The following ABCE1 variants were observed in gnomAD, a reference collection of about 807,000 sequenced individuals.
The protein encoded by ABCE1 is ATP-binding cassette sub-family E member 1.
A neutral mutation model predicts 83.4 loss-of-function variants in ABCE1; 22 were observed. The observed-to-expected ratio is 0.26, with a 90% CI of 0.19 to 0.38. The LOEUF (loss-of-function observed/expected upper bound fraction) is 0.38. Ranked by LOEUF, ABCE1 falls within the 10% of genes least tolerant of loss-of-function variation. The probability of loss-of-function intolerance (pLI) is 1.00; values close to 1 mark genes in which losing one functional copy is unlikely to be tolerated. For missense variants in ABCE1, 330 were observed against 721.9 expected, an observed-to-expected ratio of 0.46 and a Z score of 6.22; for synonymous variants, 204 against 233.7, an observed-to-expected ratio of 0.87 and a Z score of 1.16.
chr4:145,100,758 T>C (rs1357048698), intron 1 of ABCE1, among the ~76,000 whole-genome samples: 1 of 152,230 alleles, frequency 6.6e-6, no homozygotes, highest in East Asian at 1.9e-4. Flanking sequence ...ATTTTTTTTT[T>C]CAGTATGTAG....
At chr4:145,118,692 C>G (rs534083696) in intron 10 of ABCE1, among the ~76,000 whole-genome samples, 2 of 151,710 alleles carry the variant, frequency 1.3e-5, no homozygotes, top group East Asian at 3.9e-4. Context: ...TAAATGGTAC[C>G]CAGTAAGGTT....
At chr4:145,120,279 C>T (rs1371657650) in intron 11 of ABCE1, 126 bp downstream of exon 11, 8 of 781,122 alleles carry the variant, frequency 1.0e-5, no homozygotes, top group Non-Finnish European at 1.6e-5. Context: ...TTTAAACCCA[C>T]AAATTTCTTA....
chr4:145,118,889 G>GT (rs772090722), intron 10 of ABCE1, among the ~76,000 whole-genome samples: 22 of 151,516 alleles, frequency 1.5e-4, no homozygotes, highest in South Asian at 8.3e-4. Context: ...GACTTGCTGT[G>GT]TTTTTTTTAA....
chr4:145,108,481 G>T (rs755182017), intron 4 of ABCE1, among the ~76,000 whole-genome samples: 28 of 152,210 alleles, frequency 1.8e-4, no homozygotes, highest in East Asian at 7.7e-4. Context: ...ACTTGCCTTT[G>T]ATTTTGTTTA....
Position 145,124,590 on chromosome 4 carries a change from T to C in ABCE1, c.1641-400T>C, listed in dbSNP as rs1049990820. On this transcript the variant is annotated intron_variant, in intron 16 of 17. Transcript: ENST00000296577. ...ACTGAAAACCACTATTAGGAGGACA[T>C]ATTCCCTCCAGTAACAAATTTTTCA... 5.9e-5 allele frequency among the ~76,000 whole-genome samples: 9 copies of C among 152,296 alleles called. No homozygotes were observed. The East Asian group carries it at 1.7e-3, about 29-fold the overall frequency.
chr4:145,110,728 C>G, intron 7 of ABCE1: 1 of 548,074 alleles, frequency 1.8e-6, no homozygotes, highest in Non-Finnish European at 3.2e-6. Context: ...TCCCAAAGTG[C>G]TAGGATTACA....
At chr4:145,114,054 A>G (rs1749550127) in intron 9 of ABCE1, among the ~76,000 whole-genome samples, 1 of 152,176 alleles carries the variant, frequency 6.6e-6, no homozygotes, top group Admixed American at 6.5e-5. Context: ...CAAGGAGCAC[A>G]AGTTCTACAG....
intron 13 of ABCE1, 37 bp downstream of exon 13, chr4:145,121,428 T>C (rs1423254001): frequency 5.4e-6 from 8 of 1,478,818 alleles, no homozygotes; most frequent in Non-Finnish European, 6.6e-6. Flanking sequence ...CTAAAGAAAA[T>C]TTTGTATATA....
Position 145,128,672 on chromosome 4 carries a change from TA to T in ABCE1, c.*1101del, listed in dbSNP as rs1370952186. On this transcript the variant is annotated 3_prime_UTR_variant, in exon 18 of 18. Transcript: ENST00000296577. The stretch of plus-strand genomic sequence containing the variant: ...GATTACCTGGAGCCTGGAGCCACTT[TA>T]AGTTGTACTTCTGACTAAACTGGAA... The T allele has an allele frequency of 6.6e-6, 1 of 152,218 alleles. No homozygotes were observed. Among genetic ancestry groups the T allele is most frequent in the Non-Finnish European group, 1.5e-5 (1 of 68,038 alleles). 9.4% of individuals were successfully genotyped at this position (152,218 alleles called of 1,614,324 possible). A position where few individuals can be genotyped will look rare whatever the true frequency, so the allele number is the denominator to read the frequency against.
At chr4:145,123,928 T>C (rs1749808344) in intron 16 of ABCE1, 1 of 172,776 alleles carries the variant, frequency 5.8e-6, no homozygotes, top group Non-Finnish European at 1.3e-5. Flanking sequence ...CTTTCATACA[T>C]GATAGAAAAA....
intron 13 of ABCE1, 89 bp downstream of exon 13, chr4:145,121,480 C>A: frequency 2.1e-6 from 2 of 962,198 alleles, no homozygotes; most frequent in Non-Finnish European, 3.2e-6. Context: ...AATTTTTCTC[C>A]AAATTAGATT....
At chr4:145,112,119 G>T in intron 8 of ABCE1, 120 bp from the exon 9 acceptor site, 1 of 642,974 alleles carries the variant, frequency 1.6e-6, no homozygotes, top group Non-Finnish European at 2.6e-6. Context: ...CATTACTATT[G>T]GAGATTTGTG....
intron 10 of ABCE1, among the ~76,000 whole-genome samples, chr4:145,119,165 G>A (rs915185967): frequency 2.0e-5 from 3 of 151,880 alleles, no homozygotes; most frequent in Admixed American, 6.6e-5. Context: ...TGCATGATGT[G>A]TCTCTCAGTT....
intron 1 of ABCE1, among the ~76,000 whole-genome samples, chr4:145,099,748 T>C (rs1222967898): frequency 6.6e-6 from 1 of 152,244 alleles, no homozygotes; most frequent in Non-Finnish European, 1.5e-5. Context: ...ATACTAAACA[T>C]CATTAGTTAA....
At chr4:145,123,405 C>T in intron 15 of ABCE1, 48 bp downstream of exon 15, 4 of 1,591,622 alleles carry the variant, frequency 2.5e-6, no homozygotes, top group East Asian at 2.3e-5. Context: ...TACTGTCCTA[C>T]AAGTGTGCTT....
chr4:145,099,096 T>C (rs1400327173), intron 1 of ABCE1, among the ~76,000 whole-genome samples: 1 of 152,234 alleles, frequency 6.6e-6, no homozygotes. Context: ...TTTTTCCTTT[T>C]ATTGTATCTA....
chr4:145,103,549 G>A (rs780614445), intron 1 of ABCE1, among the ~76,000 whole-genome samples: 4 of 152,124 alleles, frequency 2.6e-5, no homozygotes, highest in Non-Finnish European at 5.9e-5. Flanking sequence ...TATACATATA[G>A]TTATTTGGTC....
intron 17 of ABCE1, among the ~76,000 whole-genome samples, chr4:145,125,857 C>T (rs35471763): frequency 0.014 from 2,204 of 152,158 alleles, 53 homozygotes; most frequent in African/African-American, 0.05. Context: ...TCCTGTCTAA[C>T]GGTGAAAACC....
Position 145,124,986 on chromosome 4 carries a change from T to TTC in ABCE1, c.1641-3_1641-2insCT. On this transcript the variant is annotated splice_polypyrimidine_tract_variant and splice_region_variant and intron_variant, in intron 16 of 17. Transcript: ENST00000296577. ...ATCAAAATTGATTTTTTTTTTTCTC[T>TTC]TAGTCCTCAAACCCTTTTGGCTGGC... 1 of 1,583,476 alleles carries TTC rather than the reference T, an allele frequency of 6.3e-7. No individual in the cohort carries two copies. The highest frequency in any genetic ancestry group is 1.7e-5 in the Admixed American group (1 of 57,656).
Sources: allele counts gnomAD v4.1 joint callset (sites outside exome capture counted in the v4.1 genomes callset), GRCh38; gene constraint gnomAD v4.1.1; transcripts MANE v1.5; gene names NCBI Gene and HGNC (gene_info 2026-07-23, HGNC 2026-07-21).